ODF2L: variants seen among roughly 807,000 people sequenced by gnomAD.
ODF2L encodes outer dense fiber of sperm tails 2 like.
ODF2L carries 76 observed loss-of-function variants against 86.3 expected under a neutral mutation model. That is an observed-to-expected ratio of 0.88 (90% CI 0.73 to 1.07). ODF2L has a LOEUF of 1.07. Among genes scored for constraint, ODF2L ranks in the 50% least tolerant of loss-of-function variants. The pLI, the probability that ODF2L is intolerant of heterozygous loss-of-function variation, is 0.00. For missense variants in ODF2L, 748 were observed against 717.4 expected, an observed-to-expected ratio of 1.04 and a Z score of -0.49; for synonymous variants, 241 against 231.3, an observed-to-expected ratio of 1.04 and a Z score of -0.38.
chr1:86,394,172 C>G (rs1163274991), intron 1 of ODF2L, among the ~76,000 whole-genome samples: 3 of 152,146 alleles, frequency 2.0e-5, no homozygotes, highest in African/African-American at 7.2e-5. Flanking sequence ...GGTTAAATAG[C>G]TTGTCCAAGA....
rs547754197 is a variant in ODF2L at position 86,360,726 on chromosome 1, T to G, written c.1144-190A>C. 2.6e-4 allele frequency: 101 copies of G among 391,196 alleles called. 1 individual carries two copies. The South Asian group carries it at 5.7e-3, about 22-fold the overall frequency. The allele number at this position is 391,196 out of a possible 1,614,324, so 24.2% of individuals were successfully genotyped here. A position where few individuals can be genotyped will look rare whatever the true frequency, so the allele number is the denominator to read the frequency against. The stretch of plus-strand genomic sequence containing the variant: ...GACTAATAATTATGAACATCCTTAT[T>G]AAGATTTACACAGGACATATTATTT... On this transcript the variant is annotated intron_variant, in intron 11 of 17. Transcript: ENST00000317336.
At chr1:86,389,083 A>C (rs1661140829) in intron 1 of ODF2L, among the ~76,000 whole-genome samples, 1 of 152,206 alleles carries the variant, frequency 6.6e-6, no homozygotes, top group Non-Finnish European at 1.5e-5. Flanking sequence ...TAAGTGTTGA[A>C]CAAAAATGTA....
chr1:86,370,648 T>G (rs745561375), intron 10 of ODF2L, among the ~76,000 whole-genome samples: 2 of 152,142 alleles, frequency 1.3e-5, no homozygotes, highest in Middle Eastern at 3.2e-3. Context: ...TATGAGTAAG[T>G]TGGAAAATTC....
chr1:86,395,992 G>T (rs1215236043), intron 1 of ODF2L, 41 bp downstream of exon 1: 2 of 152,268 alleles, frequency 1.3e-5, no homozygotes, highest in Non-Finnish European at 2.9e-5. Context: ...CAGCAGCTAG[G>T]CTCCCCACAA....
At chr1:86,387,132 T>C (rs535949105) in intron 1 of ODF2L, 46 bp from the exon 2 acceptor site, 1 of 545,676 alleles carries the variant, frequency 1.8e-6, no homozygotes, top group East Asian at 3.2e-5. Flanking sequence ...AGAGTTTTTT[T>C]GTCATTACTC....
In ODF2L at chr1:86,376,433, A is replaced by G. The variant is rs778716503; in HGVS notation, c.625-15T>C. ...GTTTCTAAGCTCTAAAAAAAAAATT[A>G]GCAACAATTAAATTATTTCAGAACT... On this transcript the variant is annotated splice_polypyrimidine_tract_variant and intron_variant, in intron 7 of 17. Coordinates refer to ENST00000317336, the Ensembl canonical transcript of ODF2L. 9 of 1,505,956 alleles carry G rather than the reference A, an allele frequency of 6.0e-6. No homozygotes were observed. The African/African-American group carries it at 1.1e-4, about 19-fold the overall frequency. The allele number at this position is 1,505,956 out of a possible 1,614,324, so 93.3% of individuals were successfully genotyped here. A position where few individuals can be genotyped will look rare whatever the true frequency, so the allele number is the denominator to read the frequency against.
At chr1:86,388,396 C>T (rs1661090127) in intron 1 of ODF2L, among the ~76,000 whole-genome samples, 1 of 151,968 alleles carries the variant, frequency 6.6e-6, no homozygotes, top group Admixed American at 6.5e-5. Context: ...TGGTACCAAC[C>T]CTTTTACTTG....
At chr1:86,388,339 C>G (rs940854465) in intron 1 of ODF2L, among the ~76,000 whole-genome samples, 2 of 152,104 alleles carry the variant, frequency 1.3e-5, no homozygotes, top group Non-Finnish European at 2.9e-5. Context: ...GAACCATCAT[C>G]TACTAATTCA....
At chr1:86,385,394 CAGTT>C (rs2101407257) in intron 3 of ODF2L, 60 bp downstream of exon 3, 1 of 980,434 alleles carries the variant, frequency 1.0e-6, no homozygotes, top group Non-Finnish European at 1.5e-6. Flanking sequence ...TATGAGACCT[CAGTT>C]AATGCATTCT....
rs12048082 is a variant in ODF2L at position 86,380,324 on chromosome 1, T to C, written c.624+1918A>G. On this transcript the variant is annotated intron_variant, in intron 7 of 17. Transcript: ENST00000317336. The stretch of plus-strand genomic sequence containing the variant: ...CTAAGTAAACTAAGAGAAGGAGCAA[T>C]ACATTCTTAAATTGTTTTTAAAAAA... Among the ~76,000 whole-genome samples the C allele has an allele frequency of 0.011, 1,698 of 152,162 alleles. 69 individuals are homozygous for C. The East Asian group carries it at 0.12, about 10-fold the overall frequency.
intron 1 of ODF2L, among the ~76,000 whole-genome samples, chr1:86,393,528 A>G (rs1026891625): frequency 6.6e-6 from 1 of 152,226 alleles, no homozygotes; most frequent in South Asian, 2.1e-4. Context: ...CCTCTCTCCA[A>G]TGAAAAAAGA....
At chr1:86,386,987 A>G in exon 2 of ODF2L, 7 of 1,588,590 alleles carry the variant, frequency 4.4e-6, no homozygotes, top group Non-Finnish European at 2.6e-6. Context: ...ATGGCAAAAG[A>G]GTTCTTCTGA....
chr1:86,375,921 G>A (rs1435039220), intron 8 of ODF2L, among the ~76,000 whole-genome samples: 1 of 152,056 alleles, frequency 6.6e-6, no homozygotes, highest in African/African-American at 2.4e-5. Flanking sequence ...GTCCCAAGGG[G>A]AAATATGTAT....
intron 7 of ODF2L, among the ~76,000 whole-genome samples, chr1:86,381,544 C>A (rs1270328075): frequency 6.6e-6 from 1 of 151,852 alleles, no homozygotes; most frequent in Non-Finnish European, 1.5e-5. Context: ...ACTCAGAAGT[C>A]CTCAACACTC....
chr1:86,379,508 T>C (rs1290203702), intron 7 of ODF2L, among the ~76,000 whole-genome samples: 1 of 152,102 alleles, frequency 6.6e-6, no homozygotes, highest in East Asian at 1.9e-4. Flanking sequence ...AAAAACATAA[T>C]TGAGCTAGAA....
exon 12 of ODF2L, chr1:86,360,511 T>G: frequency 6.3e-7 from 1 of 1,594,812 alleles, no homozygotes; most frequent in Non-Finnish European, 8.6e-7. Context: ...AGATACAACT[T>G]CATCCTTCAA....
intron 11 of ODF2L, 21 bp from the exon 11 acceptor site, chr1:86,360,557 T>C: frequency 8.7e-7 from 1 of 1,143,404 alleles, no homozygotes; most frequent in Admixed American, 2.0e-5. Context: ...AGATATAGAT[T>C]TTATAAGTCA....
Position 86,368,624 on chromosome 1 carries a change from GTAA to G in ODF2L, c.1143+9_1143+11del, listed in dbSNP as rs1245172407. 2.1e-6 allele frequency: 3 copies of G among 1,402,604 alleles called. No individual in the cohort carries two copies. In the African/African-American group the frequency reaches 4.3e-5, roughly 20 times the overall value. 86.9% of individuals were successfully genotyped at this position (1,402,604 alleles called of 1,614,324 possible). On this transcript the variant is annotated intron_variant, in intron 11 of 17. Transcript: ENST00000317336. ...GTATAGAGAACTAATGGCAGTATGA[GTAA>G]TAAAATACCTTTTCAGAAGAAATGT...
intron 11 of ODF2L, among the ~76,000 whole-genome samples, chr1:86,363,418 T>A (rs1020607737): frequency 2.0e-5 from 3 of 152,188 alleles, no homozygotes; most frequent in African/African-American, 7.2e-5. Context: ...AGATTATTTA[T>A]AAAATTTGGA....
Sources: allele counts gnomAD v4.1 joint callset (sites outside exome capture counted in the v4.1 genomes callset), GRCh38; gene constraint gnomAD v4.1.1; transcripts MANE v1.5; gene names NCBI Gene and HGNC (gene_info 2026-07-23, HGNC 2026-07-21).